The following ZNF804A variants were observed in gnomAD, a reference collection of about 807,000 sequenced individuals.
ZNF804A encodes zinc finger protein 804A.
In ZNF804A, 2 loss-of-function variants were observed where a neutral mutation model predicts 16.5. That is an observed-to-expected ratio of 0.12 (90% CI 0.05 to 0.38). The LOEUF (loss-of-function observed/expected upper bound fraction) is 0.38. ZNF804A is among the 10% of genes least tolerant of loss of function. ZNF804A has a pLI of 0.99. For missense variants in ZNF804A, 1,473 were observed against 1,390.7 expected (o/e 1.06, Z -0.94); for synonymous variants, 534 against 489.6 (o/e 1.09, Z -1.20).
chr2:184,626,459 A>T (rs1306482914), intron 1 of ZNF804A, among the ~76,000 whole-genome samples: 3 of 152,166 alleles, frequency 2.0e-5, no homozygotes, highest in Non-Finnish European at 4.4e-5. Context: ...ATTTTTTCAT[A>T]AACTTAAATA....
At chr2:184,831,080 C>A (rs1219858062) in intron 1 of ZNF804A, among the ~76,000 whole-genome samples, 1 of 151,994 alleles carries the variant, frequency 6.6e-6, no homozygotes, top group Non-Finnish European at 1.5e-5. Context: ...TTTTTGAAAG[C>A]TACATTAAGA....
intron 1 of ZNF804A, among the ~76,000 whole-genome samples, chr2:184,800,069 A>C (rs538882476): frequency 2.0e-5 from 3 of 151,714 alleles, no homozygotes; most frequent in African/African-American, 7.3e-5. Flanking sequence ...ATATGGGCAT[A>C]GAAATATTCA....
At chr2:184,873,081 C>T (rs896123695) in intron 2 of ZNF804A, among the ~76,000 whole-genome samples, 11 of 151,948 alleles carry the variant, frequency 7.2e-5, no homozygotes, top group Non-Finnish European at 1.5e-4. Flanking sequence ...AGTAAACAAA[C>T]AAAATCAATG....
intron 1 of ZNF804A, among the ~76,000 whole-genome samples, chr2:184,751,818 G>T (rs1693881896): frequency 6.6e-6 from 1 of 151,412 alleles, no homozygotes; most frequent in African/African-American, 2.4e-5. Context: ...CTGGGCAAAG[G>T]ACATAAAGTG....
intron 2 of ZNF804A, among the ~76,000 whole-genome samples, chr2:184,895,552 G>C (rs149720653): frequency 2.6e-5 from 4 of 152,162 alleles, no homozygotes; most frequent in Non-Finnish European, 5.9e-5. Context: ...GTCATTCAAA[G>C]AGAATTGTGC....
At chr2:184,794,576 A>T (rs1694602194) in intron 1 of ZNF804A, among the ~76,000 whole-genome samples, 1 of 152,028 alleles carries the variant, frequency 6.6e-6, no homozygotes, top group Non-Finnish European at 1.5e-5. Context: ...ATAGAACAAA[A>T]ATACTTTTTT....
chr2:184,886,301 G>A (rs1329391222), intron 2 of ZNF804A, among the ~76,000 whole-genome samples: 2 of 152,200 alleles, frequency 1.3e-5, no homozygotes, highest in Admixed American at 1.3e-4. Flanking sequence ...GGTTACCATG[G>A]TCTTGCGCAG....
At chr2:184,710,822 G>T (rs1327242301) in intron 1 of ZNF804A, among the ~76,000 whole-genome samples, 2 of 151,766 alleles carry the variant, frequency 1.3e-5, no homozygotes, top group Admixed American at 6.6e-5. Flanking sequence ...CCAACATGTT[G>T]CATATGGTAC....
intron 1 of ZNF804A, among the ~76,000 whole-genome samples, chr2:184,803,360 C>T (rs1247683733): frequency 1.3e-5 from 2 of 152,002 alleles, no homozygotes; most frequent in African/African-American, 4.8e-5. Flanking sequence ...CTTTATTATA[C>T]TTTTGATACC....
Position 184,939,151 on chromosome 2 carries a change from G to A in ZNF804A, c.*125G>A. The A allele has an allele frequency of 2.4e-6, 3 of 1,226,932 alleles. No individual in the cohort carries two copies. Among genetic ancestry groups the A allele is most frequent in the South Asian group, 1.6e-5 (1 of 64,268 alleles). 76.0% of individuals were successfully genotyped at this position (1,226,932 alleles called of 1,614,324 possible). A position where few individuals can be genotyped will look rare whatever the true frequency, so the allele number is the denominator to read the frequency against. On this transcript the variant is annotated 3_prime_UTR_variant, in exon 4 of 4. Transcript: ENST00000302277. ...AAACTGGCCGATACATGGCGTCATT[G>A]GTTTGAAATCATTTACTGTAAGTGC...
rs549836371 is a variant in ZNF804A at position 184,877,919 on chromosome 2, C to T, written c.255+11407C>T. Among the ~76,000 whole-genome samples, 15 of 152,078 alleles carry T rather than the reference C, an allele frequency of 9.9e-5. No homozygotes were observed. The South Asian group carries it at 2.7e-3, about 27-fold the overall frequency. Reference sequence around the variant, plus strand: ...GAGAAACAAAGAGAATGGAGAGAAGCAGTTAAGCAAGTGTATTGTGTTCTC... The same window carrying T: ...GAGAAACAAAGAGAATGGAGAGAAGTAGTTAAGCAAGTGTATTGTGTTCTC... On this transcript the variant is annotated intron_variant, in intron 2 of 3. Coordinates refer to ENST00000302277, the MANE Select transcript of ZNF804A (RefSeq NM_194250.2).
chr2:184,772,636 C>T (rs1394701333), intron 1 of ZNF804A, among the ~76,000 whole-genome samples: 1 of 151,594 alleles, frequency 6.6e-6, no homozygotes, highest in Non-Finnish European at 1.5e-5. Flanking sequence ...GAGTATGTAC[C>T]TAGAAAAGGA....
At chr2:184,853,465 C>T (rs1338717696) in intron 1 of ZNF804A, among the ~76,000 whole-genome samples, 1 of 151,690 alleles carries the variant, frequency 6.6e-6, no homozygotes, top group Non-Finnish European at 1.5e-5. Flanking sequence ...GCATTCATGT[C>T]TTTTTTTCTG....
Position 184,831,464 on chromosome 2 carries a change from C to A in ZNF804A, c.112-34905C>A, listed in dbSNP as rs1302583187. Among the ~76,000 whole-genome samples the A allele has an allele frequency of 2.0e-5, 3 of 151,934 alleles. No individual in the cohort carries two copies. The East Asian group carries it at 5.8e-4, about 29-fold the overall frequency. On this transcript the variant is annotated intron_variant, in intron 1 of 3. Coordinates refer to ENST00000302277, the MANE Select transcript of ZNF804A (RefSeq NM_194250.2). The stretch of plus-strand genomic sequence containing the variant: ...TTTCAAATGCTTTTGAAAAACATTT[C>A]TTAAATATTGGAAACTTTAGGTATC...
intron 2 of ZNF804A, among the ~76,000 whole-genome samples, chr2:184,905,134 T>C (rs1360778966): frequency 1.3e-5 from 2 of 151,962 alleles, no homozygotes; most frequent in African/African-American, 4.8e-5. Context: ...TAAGTCAGTG[T>C]TTTTTACAGA....
rs530610969 is a variant in ZNF804A, at chr2:184,866,327, G to T, written c.112-42G>T. The T allele has an allele frequency of 4.1e-5, 65 of 1,601,470 alleles. No individual in the cohort carries two copies. The South Asian group carries it at 7.0e-4, about 17-fold the overall frequency. ...AACTGCTAAAACAAAGTAAACACAG[G>T]GGAGAGCTAATTGTATCCTTCCTTG... is the stretch of plus-strand genomic sequence containing the variant. On this transcript the variant is annotated intron_variant, in intron 1 of 3. Coordinates refer to ENST00000302277, the MANE Select transcript of ZNF804A (RefSeq NM_194250.2).
chr2:184,751,999 C>T (rs1173231913), intron 1 of ZNF804A, among the ~76,000 whole-genome samples: 1 of 151,464 alleles, frequency 6.6e-6, no homozygotes, highest in Non-Finnish European at 1.5e-5. Context: ...GTCATGGATG[C>T]AGAGAAAAGG....
chr2:184,829,432 T>C (rs962013983), intron 1 of ZNF804A, among the ~76,000 whole-genome samples: 3 of 151,952 alleles, frequency 2.0e-5, no homozygotes, highest in Non-Finnish European at 4.4e-5. Context: ...AGTATAAGAA[T>C]TGCTATTTTT....
At chr2:184,632,365 G>A (rs759065801) in intron 1 of ZNF804A, among the ~76,000 whole-genome samples, 2 of 151,946 alleles carry the variant, frequency 1.3e-5, no homozygotes, top group African/African-American at 4.8e-5. Flanking sequence ...CACCATATTT[G>A]GTAACTTTTA....
Sources: allele counts gnomAD v4.1 joint callset (sites outside exome capture counted in the v4.1 genomes callset), GRCh38; gene constraint gnomAD v4.1.1; transcripts MANE v1.5; gene names NCBI Gene and HGNC (gene_info 2026-07-23, HGNC 2026-07-21).